The following DPP6 variants were observed in gnomAD, a reference collection of about 807,000 sequenced individuals.
DPP6 encodes dipeptidyl peptidase like 6, also known as A-type potassium channel modulatory protein DPP6.
In DPP6, 69 loss-of-function variants were observed where a neutral mutation model predicts 122.6. The ratio of observed to expected loss-of-function variants is 0.56; its 90% CI spans 0.46 to 0.69. The LOEUF is 0.69. Ranked by LOEUF, DPP6 falls within the 30% of genes least tolerant of loss-of-function variation. The probability of loss-of-function intolerance (pLI) is 0.00; values close to 1 mark genes in which losing one functional copy is unlikely to be tolerated. For missense variants in DPP6, 928 were observed against 1,116.9 expected (o/e 0.83, Z 2.41); for synonymous variants, 418 against 433.1 (o/e 0.97, Z 0.43).
In DPP6 at chr7:154,709,859, A is replaced by G. The variant is rs3807253; in HGVS notation, c.763-17908A>G. Reference sequence around the variant, plus strand: ...ATCATCCAGTTTCTGACATGAACCCATGGAAGGCATACTGTTCAGGAAGGT... The same window carrying G: ...ATCATCCAGTTTCTGACATGAACCCGTGGAAGGCATACTGTTCAGGAAGGT... On this transcript the variant is annotated intron_variant, in intron 7 of 25. Coordinates refer to ENST00000377770, the MANE Select transcript of DPP6 (RefSeq NM_130797.4). Among the ~76,000 whole-genome samples the G allele has an allele frequency of 5.3e-4, 80 of 152,302 alleles. No individual in the cohort carries two copies. In the East Asian group the frequency reaches 0.014, roughly 27 times the overall value.
intron 1 of DPP6, among the ~76,000 whole-genome samples, chr7:154,226,136 G>A (rs1228624480): frequency 1.3e-5 from 2 of 152,130 alleles, no homozygotes; most frequent in Non-Finnish European, 2.9e-5. Flanking sequence ...AAGAGGAACA[G>A]GGGAGGAGAA....
intron 5 of DPP6, among the ~76,000 whole-genome samples, chr7:154,592,619 A>AGGACGGCAG (rs143095988): frequency 3.5e-4 from 53 of 152,000 alleles, no homozygotes; most frequent in African/African-American, 8.7e-4. Flanking sequence ...TGTCTGGGGG[A>AGGACGGCAG]GGACGGCAGG....
rs1157615154 is a variant in DPP6, at chr7:154,282,755, A to C, written c.244-163459A>C. 2.0e-5 allele frequency among the ~76,000 whole-genome samples: 3 copies of C among 152,246 alleles called. No individual in the cohort carries two copies. Among genetic ancestry groups the C allele is most frequent in the Non-Finnish European group, 4.4e-5 (3 of 68,046 alleles). ...TTCAGTATAACAAACAAATTTAAAAAAAGTATGTATATTTGGGTAGATAAA... is the reference window on the plus strand; with the variant it reads ...TTCAGTATAACAAACAAATTTAAAACAAGTATGTATATTTGGGTAGATAAA... On this transcript the variant is annotated intron_variant, in intron 1 of 25. Coordinates refer to ENST00000377770, the MANE Select transcript of DPP6 (RefSeq NM_130797.4). The surrounding 1 kb of genome is among the most constrained non-coding windows in gnomAD (Gnocchi z 4.8).
At chr7:154,142,203 G>A (rs1177988717) in intron 1 of DPP6, among the ~76,000 whole-genome samples, 1 of 151,286 alleles carries the variant, frequency 6.6e-6, no homozygotes, top group African/African-American at 2.4e-5. Flanking sequence ...AAGTGATAGA[G>A]ATTTTAATTT....
At chr7:154,402,724 T>G (rs1815740935) in intron 1 of DPP6, among the ~76,000 whole-genome samples, 1 of 150,896 alleles carries the variant, frequency 6.6e-6, no homozygotes, top group Non-Finnish European at 1.5e-5. Flanking sequence ...AATGTGCACA[T>G]GTACCCTAAA....
intron 3 of DPP6, among the ~76,000 whole-genome samples, chr7:154,516,209 T>C (rs1429493124): frequency 1.3e-5 from 2 of 152,106 alleles, no homozygotes; most frequent in Non-Finnish European, 2.9e-5. Flanking sequence ...GAAGGGTGTT[T>C]TCCTGCTTTC....
intron 1 of DPP6, among the ~76,000 whole-genome samples, chr7:154,261,445 A>G (rs959110088): frequency 6.6e-6 from 1 of 152,370 alleles, no homozygotes; most frequent in East Asian, 1.9e-4. Flanking sequence ...TCTAGAAGAT[A>G]ACATCATAAA....
At chr7:154,637,913 AG>A in intron 6 of DPP6, 40 bp downstream of exon 6, 1 of 1,547,102 alleles carries the variant, frequency 6.5e-7, no homozygotes. Flanking sequence ...AGAAATATGC[AG>A]GGCAAAGTGA....
At chr7:154,280,977 T>A (rs925574155) in intron 1 of DPP6, among the ~76,000 whole-genome samples, 5 of 147,718 alleles carry the variant, frequency 3.4e-5, no homozygotes, top group African/African-American at 1.3e-4. Flanking sequence ...ACAATTTTAT[T>A]TCTTATTTTA....
chr7:154,632,821 C>T lies in DPP6; in HGVS notation c.628-5000C>T, dbSNP rs1037363237. On this transcript the variant is annotated intron_variant, in intron 5 of 25. Coordinates refer to ENST00000377770, the MANE Select transcript of DPP6 (RefSeq NM_130797.4). ...TTAGAAATCTAAAGTATGGGTCCAT[C>T]GGAGAGAAGGAGGGGAGAGGGTAGA... 3.9e-5 allele frequency among the ~76,000 whole-genome samples: 6 copies of T among 151,960 alleles called. No individual in the cohort carries two copies. In the South Asian group the frequency reaches 6.2e-4, roughly 16 times the overall value.
intron 1 of DPP6, among the ~76,000 whole-genome samples, chr7:154,112,256 G>T (rs1806644593): frequency 6.6e-6 from 1 of 151,818 alleles, no homozygotes; most frequent in African/African-American, 2.4e-5. Context: ...AGAGAGATCA[G>T]ATATCTACTG....
At chr7:154,263,679 T>TTTA (rs76986438) in intron 1 of DPP6, among the ~76,000 whole-genome samples, 666 of 151,550 alleles carry the variant, frequency 4.4e-3, no homozygotes, top group Non-Finnish European at 5.7e-3. Context: ...TTATGTTCTT[T>TTTA]TTATTATTAT....
chr7:154,278,718 A>AT (rs1480175171), intron 1 of DPP6, among the ~76,000 whole-genome samples: 1 of 152,214 alleles, frequency 6.6e-6, no homozygotes, highest in Non-Finnish European at 1.5e-5. Context: ...TTAATGTATT[A>AT]ACCACATTGT....
intron 7 of DPP6, among the ~76,000 whole-genome samples, chr7:154,690,742 T>G (rs1839887662): frequency 1.3e-5 from 2 of 152,174 alleles, no homozygotes; most frequent in African/African-American, 4.8e-5. Flanking sequence ...CTTATTCTCA[T>G]GTTAGCCTGA....
intron 1 of DPP6, among the ~76,000 whole-genome samples, chr7:154,388,344 T>C (rs530623985): frequency 6.6e-6 from 1 of 152,360 alleles, no homozygotes; most frequent in African/African-American, 2.4e-5. Flanking sequence ...TAAACAATTA[T>C]CTAAACATTG....
rs371560186 is a variant in DPP6, at chr7:154,205,689, C to T, written c.243+152626C>T. Among the ~76,000 whole-genome samples, 161 of 151,918 alleles carry T rather than the reference C, an allele frequency of 1.1e-3. 1 individual carries two copies. Among genetic ancestry groups the T allele is most frequent in the African/African-American group, 3.7e-3 (153 of 41,446 alleles). ...ACAGCAGAGATCCGGCCTCCAGGCC[C>T]GGAGCACTCCTCCGCCATGAGGTCT... On this transcript the variant is annotated intron_variant, in intron 1 of 25. Coordinates refer to ENST00000377770, the MANE Select transcript of DPP6 (RefSeq NM_130797.4).
chr7:154,216,051 C>T (rs1799977291), intron 1 of DPP6, among the ~76,000 whole-genome samples: 1 of 152,108 alleles, frequency 6.6e-6, no homozygotes, highest in Non-Finnish European at 1.5e-5. Flanking sequence ...TGCCAGGAAC[C>T]ACAGCAGTGT....
intron 1 of DPP6, among the ~76,000 whole-genome samples, chr7:154,043,204 A>G (rs1799850662): frequency 6.6e-6 from 1 of 152,026 alleles, no homozygotes; most frequent in Admixed American, 6.6e-5. Context: ...CCTGACCAAC[A>G]TCGTGAAACC....
In DPP6 at chr7:154,021,473, G is replaced by A. The variant is rs1282603116; in HGVS notation, c.51+133739G>A. Reference sequence around the variant, plus strand: ...CATGCTTTTTACAGCAGCACCTCCAGAAGTCACGTAAGAGACCTGGCACTT... The same window carrying A: ...CATGCTTTTTACAGCAGCACCTCCAAAAGTCACGTAAGAGACCTGGCACTT... On this transcript the variant is annotated intron_variant, in intron 1 of 25. Coordinates refer to the DPP6 transcript ENST00000404039. Among the ~76,000 whole-genome samples the A allele has an allele frequency of 7.7e-4, 117 of 152,136 alleles. 1 individual carries two copies. The highest frequency in any genetic ancestry group is 1.5e-5 in the Non-Finnish European group (1 of 68,032).
Sources: gnomAD v4.1 joint callset for allele counts (sites outside exome capture counted in the v4.1 genomes callset) on GRCh38, gnomAD v4.1.1 for gene constraint, Gnocchi (gnomAD v3.1) non-coding constraint, MANE v1.5 for transcripts, NCBI Gene and HGNC (gene_info 2026-07-23, HGNC 2026-07-21) for gene names.